PTPRD: variants seen among roughly 807,000 people sequenced by gnomAD.
The protein encoded by PTPRD is receptor-type tyrosine-protein phosphatase delta.
Under a neutral mutation model 214.5 loss-of-function variants are expected in PTPRD, and 34 were observed. The ratio of observed to expected loss-of-function variants is 0.16; its 90% CI spans 0.12 to 0.21. PTPRD has a LOEUF of 0.21. Ranked by LOEUF, PTPRD falls within the 10% of genes least tolerant of loss-of-function variation. PTPRD has a pLI of 1.00. For missense variants in PTPRD, 2,545 were observed against 2,398.7 expected (o/e 1.06, Z -1.27); for synonymous variants, 1,128 against 845.7 (o/e 1.33, Z -5.79).
At chr9:9,419,515 T>C (rs1350648035) in intron 8 of PTPRD, among the ~76,000 whole-genome samples, 1 of 151,816 alleles carries the variant, frequency 6.6e-6, no homozygotes, top group African/African-American at 2.4e-5. Context: ...TGGGAAGGTT[T>C]GGGAAACCTA....
chr9:9,690,446 G>T (rs2097250246), intron 7 of PTPRD, among the ~76,000 whole-genome samples: 1 of 151,860 alleles, frequency 6.6e-6, no homozygotes, highest in Non-Finnish European at 1.5e-5. Context: ...TCTTCACTTT[G>T]TTGATTGTTA....
chr9:9,455,026 G>A (rs1413311991), intron 8 of PTPRD, among the ~76,000 whole-genome samples: 2 of 151,552 alleles, frequency 1.3e-5, no homozygotes, highest in African/African-American at 4.8e-5. Flanking sequence ...CCCAAGTATT[G>A]CGTTTTATCT....
chr9:9,586,124 T>A (rs1179657038), intron 7 of PTPRD, among the ~76,000 whole-genome samples: 1 of 151,908 alleles, frequency 6.6e-6, no homozygotes, highest in Non-Finnish European at 1.5e-5. Flanking sequence ...AGGTGGTAGG[T>A]CAGAGTTTTG....
At chr9:9,189,314 C>A (rs1220808995) in intron 9 of PTPRD, among the ~76,000 whole-genome samples, 1 of 152,094 alleles carries the variant, frequency 6.6e-6, no homozygotes, top group Non-Finnish European at 1.5e-5. Context: ...AGTTGAGGTG[C>A]ACAGTTGCTC....
chr9:9,956,324 G>C (rs1167802605), intron 4 of PTPRD, among the ~76,000 whole-genome samples: 1 of 150,330 alleles, frequency 6.7e-6, no homozygotes, highest in East Asian at 1.9e-4. Context: ...AGTGTTATGA[G>C]ACAAAAGTAG....
chr9:8,356,273 G>T (rs886168857), intron 39 of PTPRD, among the ~76,000 whole-genome samples: 6 of 151,990 alleles, frequency 3.9e-5, no homozygotes, highest in African/African-American at 1.2e-4. Flanking sequence ...AGACCTAAAA[G>T]TATTTTTCCA....
chr9:10,538,288 AAATAAAT>A (rs869165266), intron 2 of PTPRD, among the ~76,000 whole-genome samples: 51 of 145,686 alleles, frequency 3.5e-4, no homozygotes, highest in South Asian at 6.3e-4. Context: ...ATAAATAAAT[AAATAAAT>A]AAAAAGGGAG....
intron 11 of PTPRD, among the ~76,000 whole-genome samples, chr9:8,916,909 G>T (rs1288846924): frequency 6.6e-6 from 1 of 152,076 alleles, no homozygotes; most frequent in Admixed American, 6.6e-5. Flanking sequence ...ACCTCCTGTG[G>T]TATCAAATAT....
chr9:9,158,227 T>C (rs919734828), intron 10 of PTPRD, among the ~76,000 whole-genome samples: 5 of 152,182 alleles, frequency 3.3e-5, no homozygotes, highest in African/African-American at 1.2e-4. Context: ...TATGTGGCTA[T>C]ATACCTGTAG....
chr9:9,021,435 A>G (rs2099569230), intron 10 of PTPRD, among the ~76,000 whole-genome samples: 1 of 152,194 alleles, frequency 6.6e-6, no homozygotes, highest in African/African-American at 2.4e-5. Flanking sequence ...AGTACTTGAT[A>G]ATAAATGATC....
chr9:9,033,902 A>G (rs145565384), intron 10 of PTPRD, among the ~76,000 whole-genome samples: 1 of 152,126 alleles, frequency 6.6e-6, no homozygotes, highest in Non-Finnish European at 1.5e-5. Flanking sequence ...AACCCATTGA[A>G]ATCAAACAAT....
intron 3 of PTPRD, among the ~76,000 whole-genome samples, chr9:10,143,299 TAAAAA>T (rs955099409): frequency 3.3e-5 from 5 of 151,188 alleles, no homozygotes; most frequent in Non-Finnish European, 4.4e-5. Flanking sequence ...TAAAATAAAA[TAAAAA>T]AATAAATGCT....
chr9:8,531,406 C>T (rs2075654521), intron 14 of PTPRD, among the ~76,000 whole-genome samples: 1 of 152,016 alleles, frequency 6.6e-6, no homozygotes, highest in Non-Finnish European at 1.5e-5. Context: ...AGATCAATAG[C>T]TGCTATACCA....
intron 3 of PTPRD, among the ~76,000 whole-genome samples, chr9:10,095,564 A>G (rs1375407512): frequency 6.6e-6 from 1 of 151,600 alleles, no homozygotes; most frequent in Admixed American, 6.6e-5. Flanking sequence ...TCTATATACC[A>G]GACAGCGTGA....
intron 8 of PTPRD, among the ~76,000 whole-genome samples, chr9:9,488,480 C>G (rs549572359): frequency 6.6e-6 from 1 of 152,302 alleles, no homozygotes; most frequent in South Asian, 2.1e-4. Context: ...CTCTCAGGTT[C>G]TTTCACTCAG....
intron 30 of PTPRD, among the ~76,000 whole-genome samples, chr9:8,479,526 A>G (rs1409967446): frequency 6.6e-6 from 1 of 152,232 alleles, no homozygotes; most frequent in Admixed American, 6.5e-5. Context: ...AAGTGCATAA[A>G]TAAAACAAAA....
chr9:8,624,258 T>A (rs754730234), intron 14 of PTPRD, among the ~76,000 whole-genome samples: 30 of 151,926 alleles, frequency 2.0e-4, no homozygotes, highest in Non-Finnish European at 3.7e-4. Flanking sequence ...TGTACTAGCA[T>A]AGCACCAATA....
At chr9:9,782,702 T>C (rs986861009) in intron 5 of PTPRD, among the ~76,000 whole-genome samples, 4 of 152,208 alleles carry the variant, frequency 2.6e-5, no homozygotes, top group South Asian at 2.1e-4. Context: ...CAAAAGGTTA[T>C]GTGGGACCTT....
At chr9:10,014,278 A>C (rs1485367924) in intron 4 of PTPRD, among the ~76,000 whole-genome samples, 1 of 152,036 alleles carries the variant, frequency 6.6e-6, no homozygotes, top group East Asian at 1.9e-4. Flanking sequence ...GAGGCTAAGT[A>C]ATTTGAGCTG....
Sources: gnomAD v4.1 joint callset for allele counts (sites outside exome capture counted in the v4.1 genomes callset) on GRCh38, gnomAD v4.1.1 for gene constraint, MANE v1.5 for transcripts, NCBI Gene and HGNC (gene_info 2026-07-23, HGNC 2026-07-21) for gene names.